The following ESYT1 variants were observed in gnomAD, a reference collection of about 807,000 sequenced individuals.
The protein encoded by ESYT1 is extended synaptotagmin 1, also known as extended synaptotagmin-1.
In ESYT1, 116 loss-of-function variants were observed where a neutral mutation model predicts 154.2. The ratio of observed to expected loss-of-function variants is 0.75; its 90% CI spans 0.65 to 0.88. ESYT1 has a LOEUF of 0.88. ESYT1 is among the 40% of genes least tolerant of loss of function. The pLI, the probability that ESYT1 is intolerant of heterozygous loss-of-function variation, is 0.00. For synonymous variants in ESYT1, 500 were observed against 539.9 expected (o/e 0.93, Z 1.02); for missense variants, 1,264 against 1,379.3 (o/e 0.92, Z 1.32).
intron 22 of ESYT1, 130 bp from the exon 23 acceptor site, chr12:56,138,634 TTGTC>T (rs1448540649): frequency 2.3e-5 from 29 of 1,282,068 alleles, no homozygotes; most frequent in South Asian, 1.3e-4. Context: ...GTGGGAAAAG[TTGTC>T]TGTTCAAGGC....
intron 15 of ESYT1, among the ~76,000 whole-genome samples, chr12:56,134,990 G>A (rs1870391852): frequency 6.6e-6 from 1 of 152,098 alleles, no homozygotes; most frequent in Non-Finnish European, 1.5e-5. Flanking sequence ...CAGATGCTAT[G>A]TTTCGTGCTT....
In ESYT1 at chr12:56,142,530, G is replaced by T. The variant is rs1182834578; in HGVS notation, c.2734-48G>T. 5 of 1,613,466 alleles carry T rather than the reference G, an allele frequency of 3.1e-6. No individual in the cohort carries two copies. The highest frequency in any genetic ancestry group is 4.2e-6 in the Non-Finnish European group (5 of 1,179,630). On this transcript the variant is annotated intron_variant, in intron 25 of 30. Coordinates refer to ENST00000394048, the MANE Select transcript of ESYT1 (RefSeq NM_015292.3). The surrounding 1 kb of genome is among the most constrained non-coding windows in gnomAD (Gnocchi z 4.1). ...GAACAGAGGGCCGTGTCCTTAGAGT[G>T]AGGGAACTGAGAGAACTCTGCCCAG...
chr12:56,138,099 A>G (rs1267284592), intron 20 of ESYT1, 25 bp downstream of exon 20: 3 of 1,613,658 alleles, frequency 1.9e-6, no homozygotes, highest in South Asian at 1.1e-5. Context: ...AGAGTCAACA[A>G]CCCCTCCTGA....
chr12:56,128,477 C>A lies in ESYT1; in HGVS notation c.158C>A (p.Ala53Glu), dbSNP rs964885913. The change falls in exon 1 of 31, where the codon GCG (alanine) becomes GAG (glutamate). Residue 53 changes from alanine (A) to glutamate (E), a missense_variant. Transcript: ENST00000394048. ...AGPGAAGEAL[A>E]VLTSFGRRLL... is the part of the protein sequence containing the mutation. The stretch of plus-strand genomic sequence containing the variant: ...CCTGGCGCGGCGGGTGAGGCCCTGG[C>A]GGTGCTGACTTCATTCGGGAGGCGG... 1 of 1,610,538 alleles carries A rather than the reference C, an allele frequency of 6.2e-7. No individual in the cohort carries two copies. The highest frequency in any genetic ancestry group is 1.7e-5 in the Admixed American group (1 of 59,400).
Position 56,142,440 on chromosome 12 carries a change from ATGG to A in ESYT1, c.2733+19_2733+21del, listed in dbSNP as rs1424885494. 4 of 1,610,110 alleles carry A rather than the reference ATGG, an allele frequency of 2.5e-6. No homozygotes were observed. The highest frequency in any genetic ancestry group is 2.7e-5 in the African/African-American group (2 of 74,780). On this transcript the variant is annotated intron_variant, in intron 25 of 30. Transcript: ENST00000394048. The surrounding 1 kb of genome is among the most constrained non-coding windows in gnomAD (Gnocchi z 4.1). ...CACAGCTAGGGGTGAGTGACAGGAG[ATGG>A]TGGGCAGGATGAGAGGGAGGAGGGG...
chr12:56,128,752 C>T (rs1047131455), intron 1 of ESYT1, 43 bp downstream of exon 1: 18 of 1,606,188 alleles, frequency 1.1e-5, no homozygotes, highest in Admixed American at 1.7e-5. Flanking sequence ...TAGCCCCCTT[C>T]CACCCCTTCC....
At chr12:56,140,161 C>T (rs1398051987) in intron 24 of ESYT1, among the ~76,000 whole-genome samples, 1 of 152,042 alleles carries the variant, frequency 6.6e-6, no homozygotes, top group Non-Finnish European at 1.5e-5. Flanking sequence ...AGAACCGCGC[C>T]CCAGCCTAAG....
At chr12:56,134,068 G>A (rs79028003) in intron 13 of ESYT1, 42 bp from the exon 14 acceptor site, 30,004 of 1,611,370 alleles carry the variant, frequency 0.019, 334 homozygotes, top group Non-Finnish European at 0.022. Flanking sequence ...AACCAAAACC[G>A]AATCCCCCAA....
At position 56,144,004 on chromosome 12, in the gene ESYT1, G is replaced by A. The variant is rs1443822973; in HGVS notation, c.*142G>A. 2.2e-5 allele frequency: 34 copies of A among 1,540,854 alleles called. No homozygotes were observed. In the East Asian group the frequency reaches 4.1e-4, roughly 19 times the overall value. The stretch of plus-strand genomic sequence containing the variant: ...CCTTTCACCTAACAGGCCCATATTC[G>A]GGCCTTTGCCTGACCAAAGAGAAGA... On this transcript the variant is annotated 3_prime_UTR_variant, in exon 31 of 31. Coordinates refer to ENST00000394048, the MANE Select transcript of ESYT1 (RefSeq NM_015292.3).
rs142730049 is a variant in ESYT1 at position 56,144,258 on chromosome 12, C to T, written c.*396C>T. Reference sequence around the variant, plus strand: ...CTTTAACTAGATGGTCACCTTCTTCCCTACCACACATGGGTGGGAAGGTGG... The same window carrying T: ...CTTTAACTAGATGGTCACCTTCTTCTCTACCACACATGGGTGGGAAGGTGG... On this transcript the variant is annotated 3_prime_UTR_variant, in exon 31 of 31. Coordinates refer to ENST00000394048, the MANE Select transcript of ESYT1 (RefSeq NM_015292.3). 10 of 1,088,498 alleles carry T rather than the reference C, an allele frequency of 9.2e-6. No individual in the cohort carries two copies. In the African/African-American group the frequency reaches 1.6e-4, roughly 18 times the overall value. 67.4% of individuals were successfully genotyped at this position (1,088,498 alleles called of 1,614,324 possible).
intron 1 of ESYT1, among the ~76,000 whole-genome samples, chr12:56,129,782 C>T (rs947428853): frequency 2.6e-5 from 4 of 152,058 alleles, no homozygotes; most frequent in African/African-American, 9.7e-5. Flanking sequence ...CACACACACA[C>T]CCCAAAAAAC....
chr12:56,143,032 T>G lies in ESYT1; in HGVS notation c.3003T>G (p.Asn1001Lys). The change falls in exon 28 of 31, where the codon AAT becomes AAG. Residue 1001 changes from asparagine (N) to lysine (K), a missense_variant. Physicochemically the swap from Asn to Lys is moderately conservative, Grantham distance 94. Coordinates refer to ENST00000394048, the MANE Select transcript of ESYT1 (RefSeq NM_015292.3). Reference sequence around the variant, plus strand: ...CCTGTTGTAGGTCCCTTCGACAGAATGGACGTGATCCTCCTGATCCCTATG... The same window carrying G: ...CCTGTTGTAGGTCCCTTCGACAGAAGGGACGTGATCCTCCTGATCCCTATG... ...IVHGCRSLRQNGRDPPDPYVS... is the reference protein window; with the variant it reads ...IVHGCRSLRQKGRDPPDPYVS... 1 of 1,614,200 alleles carries G rather than the reference T, an allele frequency of 6.2e-7. No homozygotes were observed. Among genetic ancestry groups the G allele is most frequent in the Middle Eastern group, 1.6e-4 (1 of 6,062 alleles).
In ESYT1 at chr12:56,142,469, AG is replaced by A. The variant is rs755538381; in HGVS notation, c.2733+47del. On this transcript the variant is annotated intron_variant, in intron 25 of 30. Coordinates refer to ENST00000394048, the MANE Select transcript of ESYT1 (RefSeq NM_015292.3). The surrounding 1 kb of genome is among the most constrained non-coding windows in gnomAD (Gnocchi z 4.1). ...TGGGCAGGATGAGAGGGAGGAGGGGAGGGCCTTCACAGGTGAGGGACACCCA... is the reference window on the plus strand; with the variant it reads ...TGGGCAGGATGAGAGGGAGGAGGGGAGGCCTTCACAGGTGAGGGACACCCA... 1.9e-6 allele frequency: 3 copies of A among 1,606,526 alleles called. No individual in the cohort carries two copies. Among genetic ancestry groups the A allele is most frequent in the South Asian group, 2.2e-5 (2 of 90,480 alleles).
Position 56,134,407 on chromosome 12 carries a change from A to T in ESYT1, c.1611A>T (p.Gln537His), listed in dbSNP as rs754146157. 1.1e-5 allele frequency: 17 copies of T among 1,613,932 alleles called. No homozygotes were observed. Among genetic ancestry groups the T allele is most frequent in the Non-Finnish European group, 1.4e-5 (16 of 1,180,016 alleles). The part of the protein sequence containing the change: ...EAFRFFLQDP[Q>H]SQELDVQVKD... ...TCCGGTTCTTCCTACAAGACCCTCA[A>T]AGCCAGGAGCTCGATGTGCAAGTGA... The change falls in exon 15 of 31, where the codon CAA becomes CAT. Residue 537 changes from glutamine to histidine, a missense_variant. By Grantham distance (24) the Gln-to-His change is conservative. Transcript: ENST00000394048.
chr12:56,134,818 C>T (rs1370018570), intron 15 of ESYT1, among the ~76,000 whole-genome samples: 1 of 152,128 alleles, frequency 6.6e-6, no homozygotes, highest in South Asian at 2.1e-4. Context: ...AGGCTGGTCT[C>T]GAACTCCTGA....
At position 56,131,518 on chromosome 12, in the gene ESYT1, G is replaced by A; in HGVS notation, c.756G>A (p.Gly252=). 6.2e-7 allele frequency: 1 copy of A among 1,614,144 alleles called. No homozygotes were observed. The highest frequency in any genetic ancestry group is 8.5e-7 in the Non-Finnish European group (1 of 1,180,024). The part of the protein sequence containing the change: ...VLRVILEPLI[G]DLPFVGAVSM... ...GGGTGATACTGGAGCCACTCATTGG[G>A]GACCTTCCCTTCGTGGGGGCTGTGT... The change falls in exon 6 of 31, where the codon GGG becomes GGA. Residue 252 remains glycine (G), a synonymous_variant. Coordinates refer to ENST00000394048, the MANE Select transcript of ESYT1 (RefSeq NM_015292.3).
Position 56,132,950 on chromosome 12 carries a change from C to G in ESYT1, c.1244+149C>G, listed in dbSNP as rs1004113382. The G allele has an allele frequency of 8.9e-6, 6 of 675,796 alleles. No individual in the cohort carries two copies. The African/African-American group carries it at 1.1e-4, about 12-fold the overall frequency. The allele number at this position is 675,796 out of a possible 1,614,324, so 41.9% of individuals were successfully genotyped here. A position where few individuals can be genotyped will look rare whatever the true frequency, so the allele number is the denominator to read the frequency against. On this transcript the variant is annotated intron_variant, in intron 10 of 30. Coordinates refer to ENST00000394048, the MANE Select transcript of ESYT1 (RefSeq NM_015292.3). ...CCTGGCTAACACGGTGAAACCCCAT[C>G]TCTACTAAAAATACAAAAATTAGCC...
At chr12:56,135,302 G>A (rs1450972990) in intron 15 of ESYT1, among the ~76,000 whole-genome samples, 1 of 151,170 alleles carries the variant, frequency 6.6e-6, no homozygotes, top group Admixed American at 6.6e-5. Context: ...CTGAGTAGCT[G>A]GGATTACAGG....
Position 56,137,928 on chromosome 12 carries a change from A to G in ESYT1, c.2198+14A>G, listed in dbSNP as rs375713476. The G allele has an allele frequency of 4.3e-6, 7 of 1,613,978 alleles. No individual in the cohort carries two copies. The highest frequency in any genetic ancestry group is 3.3e-5 in the Admixed American group (2 of 60,000). On this transcript the variant is annotated intron_variant, in intron 19 of 30. Coordinates refer to ENST00000394048, the MANE Select transcript of ESYT1 (RefSeq NM_015292.3). ...TTTTCTGGGCAGGTGAGAGCATAGG[A>G]GTCTACGTGAAAAACAGGCTGGGGC...
Sources: allele counts gnomAD v4.1 joint callset (sites outside exome capture counted in the v4.1 genomes callset), GRCh38; gene constraint gnomAD v4.1.1; non-coding constraint Gnocchi (gnomAD v3.1); transcripts MANE v1.5; gene names NCBI Gene and HGNC (gene_info 2026-07-23, HGNC 2026-07-21).